GSE1: variants seen among roughly 807,000 people sequenced by gnomAD.
GSE1 encodes genetic suppressor element 1.
GSE1 carries 32 observed loss-of-function variants against 112.6 expected under a neutral mutation model. That is an observed-to-expected ratio of 0.28 (90% CI 0.21 to 0.38). The LOEUF is 0.38. Ranked by LOEUF, GSE1 falls within the 10% of genes least tolerant of loss-of-function variation. The pLI, the probability that GSE1 is intolerant of heterozygous loss-of-function variation, is 1.00. For missense variants in GSE1, 2,348 were observed against 1,699.2 expected, an observed-to-expected ratio of 1.38 and a Z score of -6.71; for synonymous variants, 1,115 against 735.6, an observed-to-expected ratio of 1.52 and a Z score of -8.35.
chr16:85,378,598 G>A (rs951761649), intron 2 of GSE1, among the ~76,000 whole-genome samples: 26 of 152,194 alleles, frequency 1.7e-4, no homozygotes, highest in African/African-American at 5.5e-4. Context: ...GGCGCCCTTC[G>A]TGCTGATTGA....
chr16:85,399,678 T>C (rs1342091601), intron 2 of GSE1, among the ~76,000 whole-genome samples: 1 of 152,176 alleles, frequency 6.6e-6, no homozygotes, highest in East Asian at 1.9e-4. Flanking sequence ...TGTGTGCCAA[T>C]CACTGCCGTA....
At chr16:85,175,655 G>A (rs768357843) in intron 1 of GSE1, among the ~76,000 whole-genome samples, 27 of 152,188 alleles carry the variant, frequency 1.8e-4, no homozygotes, top group Non-Finnish European at 3.1e-4. Context: ...GATGGGGAAC[G>A]GCTGTCCCTC....
At chr16:85,198,192 A>C (rs568724023) in intron 1 of GSE1, among the ~76,000 whole-genome samples, 1 of 152,224 alleles carries the variant, frequency 6.6e-6, no homozygotes, top group African/African-American at 2.4e-5. Flanking sequence ...GCTGCAGTGA[A>C]CCTGAGGACC....
At chr16:85,240,249 C>G (rs1164768071) in intron 1 of GSE1, among the ~76,000 whole-genome samples, 3 of 152,182 alleles carry the variant, frequency 2.0e-5, no homozygotes, top group Non-Finnish European at 4.4e-5. Flanking sequence ...TGTACCTGTT[C>G]CCTCCTCCCC....
intron 1 of GSE1, among the ~76,000 whole-genome samples, chr16:85,596,763 C>T (rs536350023): frequency 1.3e-5 from 2 of 152,102 alleles, no homozygotes; most frequent in South Asian, 2.1e-4. Context: ...CAGCCAGGCA[C>T]GGTAGCGCAC....
At chr16:85,287,565 C>T (rs925490534) in intron 1 of GSE1, among the ~76,000 whole-genome samples, 1 of 152,140 alleles carries the variant, frequency 6.6e-6, no homozygotes, top group Non-Finnish European at 1.5e-5. Flanking sequence ...CCCGCTGCCC[C>T]CTCTGCCTGG....
chr16:85,194,916 C>A (rs1034018740), intron 1 of GSE1, among the ~76,000 whole-genome samples: 1 of 152,162 alleles, frequency 6.6e-6, no homozygotes, highest in East Asian at 1.9e-4. Flanking sequence ...AAATGGCTAA[C>A]AGTGAGTGTT....
chr16:85,616,036 C>A (rs2048349730), intron 1 of GSE1, among the ~76,000 whole-genome samples: 1 of 152,254 alleles, frequency 6.6e-6, no homozygotes, highest in African/African-American at 2.4e-5. Flanking sequence ...GGCTGCAGAT[C>A]TGAGTGCCTT....
intron 1 of GSE1, among the ~76,000 whole-genome samples, chr16:85,236,110 G>A (rs974705891): frequency 6.6e-6 from 1 of 152,130 alleles, no homozygotes; most frequent in Admixed American, 6.5e-5. Context: ...TGTGGCTCCC[G>A]GGCAGGCTGT....
In GSE1 at chr16:85,511,193, A is replaced by C. The variant is rs1046965856; in HGVS notation, c.2465-122721A>C. Reference sequence around the variant, plus strand: ...TGGACTCAGAGAAGCAAGAACCTGGAAGGCTTTTCCCTTTCTATGTGTGGT... The same window carrying C: ...TGGACTCAGAGAAGCAAGAACCTGGCAGGCTTTTCCCTTTCTATGTGTGGT... On this transcript the variant is annotated intron_variant, in intron 2 of 2. Transcript: ENST00000637419. 2.0e-5 allele frequency among the ~76,000 whole-genome samples: 3 copies of C among 152,282 alleles called. No individual in the cohort carries two copies. The East Asian group carries it at 5.8e-4, about 29-fold the overall frequency.
intron 1 of GSE1, among the ~76,000 whole-genome samples, chr16:85,193,753 C>G (rs980312550): frequency 1.3e-5 from 2 of 152,196 alleles, no homozygotes; most frequent in African/African-American, 2.4e-5. Flanking sequence ...GCCACTGCAT[C>G]CAGCCAATTT....
chr16:85,401,051 G>A (rs934956113), intron 2 of GSE1, among the ~76,000 whole-genome samples: 14 of 152,138 alleles, frequency 9.2e-5, no homozygotes, highest in Admixed American at 2.6e-4. Context: ...GAAGACCTCC[G>A]CGTGGAGGCC....
At chr16:85,531,163 A>G (rs770429543) in intron 2 of GSE1, among the ~76,000 whole-genome samples, 10 of 152,236 alleles carry the variant, frequency 6.6e-5, no homozygotes, top group Non-Finnish European at 4.4e-5. Flanking sequence ...GAAAGTGGGA[A>G]GGGGACATGG....
At position 85,426,056 on chromosome 16, in the gene GSE1, T is replaced by TGGATGGATGGAA. The variant is rs1555510017; in HGVS notation, c.2464+68424_2464+68425insAGGATGGATGGA. On this transcript the variant is annotated intron_variant, in intron 2 of 2. Coordinates refer to the GSE1 transcript ENST00000637419. ...ATGGATGGATGGATGGATGGATGGA[T>TGGATGGATGGAA]GGATGGATGGATGGATGGGTAGATG... Among the ~76,000 whole-genome samples the TGGATGGATGGAA allele has an allele frequency of 9.1e-4, 131 of 144,138 alleles. 1 individual carries two copies. The highest frequency in any genetic ancestry group is 7.4e-3 in the Middle Eastern group (2 of 270). The allele number at this position is 144,138 out of a possible 152,430, so 94.6% of individuals were successfully genotyped here.
intron 2 of GSE1, among the ~76,000 whole-genome samples, chr16:85,361,247 C>A (rs1175180442): frequency 7.1e-6 from 1 of 141,838 alleles, no homozygotes; most frequent in Non-Finnish European, 1.5e-5. Flanking sequence ...CATAGACAGG[C>A]ACAGACCCCC....
chr16:85,354,363 A>G (rs1029097408), intron 1 of GSE1, among the ~76,000 whole-genome samples: 1 of 152,232 alleles, frequency 6.6e-6, no homozygotes, highest in African/African-American at 2.4e-5. Context: ...TGTTGGAAGG[A>G]TTAACTATGC....
At chr16:85,295,373 G>A (rs1044574640) in intron 1 of GSE1, among the ~76,000 whole-genome samples, 5 of 152,258 alleles carry the variant, frequency 3.3e-5, no homozygotes, top group Admixed American at 6.5e-5. Flanking sequence ...CAAGGTTCAC[G>A]CGTGCTGCAG....
chr16:85,571,465 A>G (rs368791313), intron 1 of GSE1, among the ~76,000 whole-genome samples: 124 of 152,344 alleles, frequency 8.1e-4, no homozygotes, highest in African/African-American at 2.7e-3. Flanking sequence ...GAGCATTTCC[A>G]TTGTTCCAGA....
chr16:85,543,392 G>C (rs2044591853), intron 2 of GSE1, among the ~76,000 whole-genome samples: 1 of 152,158 alleles, frequency 6.6e-6, no homozygotes, highest in Non-Finnish European at 1.5e-5. Context: ...TTCAGAGCAG[G>C]TTTTGTTTAG....
Sources: allele counts gnomAD v4.1 joint callset (sites outside exome capture counted in the v4.1 genomes callset), GRCh38; gene constraint gnomAD v4.1.1; transcripts MANE v1.5; gene names NCBI Gene and HGNC (gene_info 2026-07-23, HGNC 2026-07-21).